Variants in GATAD2B observed in about 807,000 individuals in gnomAD.
The protein encoded by GATAD2B is transcriptional repressor p66-beta.
Under a neutral mutation model 64.3 loss-of-function variants are expected in GATAD2B, and 8 were observed. That is an observed-to-expected ratio of 0.12 (90% CI 0.07 to 0.22). The LOEUF (loss-of-function observed/expected upper bound fraction) is 0.22. Ranked by LOEUF, GATAD2B falls within the 10% of genes least tolerant of loss-of-function variation. The pLI is 1.00. For missense variants in GATAD2B, 453 were observed against 752.0 expected (o/e 0.60, Z 4.65); for synonymous variants, 281 against 271.3 (o/e 1.04, Z -0.35).
Position 153,855,215 on chromosome 1 carries a change from C to T in GATAD2B, c.-1-26867G>A, listed in dbSNP as rs142041917. Reference sequence around the variant, plus strand: ...TTTTGAAACGTAACTGTAGCATTAGCTTTCTTTTTGTTTTTTTTTTTTGTT... The same window carrying T: ...TTTTGAAACGTAACTGTAGCATTAGTTTTCTTTTTGTTTTTTTTTTTTGTT... On this transcript the variant is annotated intron_variant, in intron 1 of 10. Coordinates refer to ENST00000368655, the MANE Select transcript of GATAD2B (RefSeq NM_020699.4). Among the ~76,000 whole-genome samples the T allele has an allele frequency of 3.6e-3, 286 of 79,330 alleles. 2 individuals carry two copies. Among genetic ancestry groups the T allele is most frequent in the African/African-American group, 0.013 (270 of 20,564 alleles). 52.0% of individuals were successfully genotyped at this position (79,330 alleles called of 152,430 possible). A position where few individuals can be genotyped will look rare whatever the true frequency, so the allele number is the denominator to read the frequency against.
chr1:153,913,762 C>CA (rs989009048), intron 1 of GATAD2B, among the ~76,000 whole-genome samples: 5 of 150,350 alleles, frequency 3.3e-5, no homozygotes, highest in South Asian at 4.2e-4. Context: ...ATTAAAAATA[C>CA]AAAAAAAATT....
chr1:153,903,657 C>T (rs1163603034), intron 1 of GATAD2B, among the ~76,000 whole-genome samples: 1 of 152,194 alleles, frequency 6.6e-6, no homozygotes, highest in Non-Finnish European at 1.5e-5. Context: ...CCTAAATACT[C>T]TTTACCATAT....
chr1:153,814,373 G>T (rs1215517111), intron 7 of GATAD2B, among the ~76,000 whole-genome samples: 3 of 152,146 alleles, frequency 2.0e-5, no homozygotes, highest in Non-Finnish European at 4.4e-5. Flanking sequence ...TTTTTATAAG[G>T]TCTTTCTTAG....
intron 1 of GATAD2B, among the ~76,000 whole-genome samples, chr1:153,910,758 C>CAATA (rs1037950592): frequency 7.2e-5 from 11 of 151,816 alleles, no homozygotes; most frequent in African/African-American, 4.8e-5. Context: ...TAAATAAATA[C>CAATA]AATAAATAAA....
chr1:153,893,718 T>C (rs2101952433), intron 1 of GATAD2B, among the ~76,000 whole-genome samples: 1 of 152,080 alleles, frequency 6.6e-6, no homozygotes, highest in South Asian at 2.1e-4. Flanking sequence ...CCCAGCACTT[T>C]GGAGGCCAAG....
At chr1:153,866,421 C>T (rs1240272884) in intron 1 of GATAD2B, among the ~76,000 whole-genome samples, 1 of 152,114 alleles carries the variant, frequency 6.6e-6, no homozygotes, top group Non-Finnish European at 1.5e-5. Flanking sequence ...TACAACTGTA[C>T]AGGTGAATGA....
At chr1:153,919,881 T>C (rs1261768893) in intron 1 of GATAD2B, among the ~76,000 whole-genome samples, 2 of 152,232 alleles carry the variant, frequency 1.3e-5, no homozygotes, top group African/African-American at 4.8e-5. Flanking sequence ...GGGCTTTAAG[T>C]ACTGCAAAGG....
chr1:153,863,743 C>T (rs1676388655), intron 1 of GATAD2B, among the ~76,000 whole-genome samples: 1 of 151,886 alleles, frequency 6.6e-6, no homozygotes, highest in South Asian at 2.1e-4. Flanking sequence ...CCTGCCTCAG[C>T]CTCCTGAGTA....
rs1013042073 is a variant in GATAD2B, at chr1:153,806,221, C to T, written c.*3956G>A. On this transcript the variant is annotated 3_prime_UTR_variant, in exon 11 of 11. Transcript: ENST00000368655. ...TGCCCCCGGGAACTGCCCCATTCCT[C>T]GGCTACCTCCCAGCCCCCAGCACTT... 3 of 152,344 alleles carry T rather than the reference C, an allele frequency of 2.0e-5. No homozygotes were observed. The East Asian group carries it at 5.8e-4, about 29-fold the overall frequency. 9.4% of individuals were successfully genotyped at this position (152,344 alleles called of 1,614,324 possible).
chr1:153,878,148 T>TC (rs1178194752), intron 1 of GATAD2B, among the ~76,000 whole-genome samples: 1 of 149,794 alleles, frequency 6.7e-6, no homozygotes, highest in Non-Finnish European at 1.5e-5. Context: ...TTGTGGTAGG[T>TC]CCCATCCTGC....
At chr1:153,825,553 A>T (rs1195813879) in intron 2 of GATAD2B, among the ~76,000 whole-genome samples, 1 of 152,048 alleles carries the variant, frequency 6.6e-6, no homozygotes, top group Non-Finnish European at 1.5e-5. Flanking sequence ...CCTCTCAAGT[A>T]GCTAGGAACA....
intron 1 of GATAD2B, among the ~76,000 whole-genome samples, chr1:153,835,110 CTCTT>C (rs1405431313): frequency 6.6e-6 from 1 of 152,042 alleles, no homozygotes; most frequent in Non-Finnish European, 1.5e-5. Context: ...ACAACTGAGT[CTCTT>C]TAAAAAACAA....
At chr1:153,907,613 A>G (rs1429752796) in intron 1 of GATAD2B, among the ~76,000 whole-genome samples, 2 of 152,146 alleles carry the variant, frequency 1.3e-5, no homozygotes, top group South Asian at 2.1e-4. Flanking sequence ...TAATGCCACT[A>G]AACTGTATAC....
chr1:153,886,646 G>C (rs12091300), intron 1 of GATAD2B: 1 of 149,920 alleles, frequency 6.7e-6, no homozygotes, highest in East Asian at 2.0e-4. Flanking sequence ...TCCTGTCTGA[G>C]CTTCCCGACT....
chr1:153,858,753 C>G (rs67881926), intron 1 of GATAD2B, among the ~76,000 whole-genome samples: 5,995 of 151,998 alleles, frequency 0.039, 202 homozygotes, highest in Non-Finnish European at 0.052. Context: ...GAGAAACAAT[C>G]AAATTGCATA....
chr1:153,868,860 G>A (rs1016749575), intron 1 of GATAD2B, among the ~76,000 whole-genome samples: 2 of 150,928 alleles, frequency 1.3e-5, no homozygotes, highest in Admixed American at 6.6e-5. Flanking sequence ...TCAGCCTCCC[G>A]AGTAGCTAGG....
intron 1 of GATAD2B, among the ~76,000 whole-genome samples, chr1:153,848,794 G>A (rs1271954077): frequency 3.9e-5 from 6 of 152,014 alleles, no homozygotes; most frequent in African/African-American, 1.4e-4. Context: ...CCTACTGAAA[G>A]TACAAAAAAA....
At chr1:153,846,850 C>T (rs1032805901) in intron 1 of GATAD2B, among the ~76,000 whole-genome samples, 2 of 151,680 alleles carry the variant, frequency 1.3e-5, no homozygotes, top group African/African-American at 2.4e-5. Flanking sequence ...TGAGCCACCG[C>T]ACCTGGCCCT....
intron 1 of GATAD2B, chr1:153,852,129 C>T (rs1675918754): frequency 1.5e-6 from 1 of 662,192 alleles, no homozygotes; most frequent in Non-Finnish European, 2.7e-6. Context: ...ATCGCTGGGC[C>T]TCCTGGCTGC....
Sources: allele counts gnomAD v4.1 joint callset (sites outside exome capture counted in the v4.1 genomes callset), GRCh38; gene constraint gnomAD v4.1.1; transcripts MANE v1.5; gene names NCBI Gene and HGNC (gene_info 2026-07-23, HGNC 2026-07-21).